Variants in NCALD observed in about 807,000 individuals in gnomAD.
NCALD encodes the protein neurocalcin delta, also known as neurocalcin-delta.
In NCALD, 10 loss-of-function variants were observed where a neutral mutation model predicts 18.6. The ratio of observed to expected loss-of-function variants is 0.54; its 90% CI spans 0.33 to 0.91. The LOEUF is 0.91. Among genes scored for constraint, NCALD ranks in the 40% least tolerant of loss-of-function variants. The probability of loss-of-function intolerance (pLI) is 0.03; values close to 1 mark genes in which losing one functional copy is unlikely to be tolerated. For missense variants in NCALD, 184 were observed against 247.6 expected (o/e 0.74, Z 1.72); for synonymous variants, 88 against 87.4 (o/e 1.01, Z -0.04).
intron 2 of NCALD, among the ~76,000 whole-genome samples, chr8:101,927,899 C>T (rs1158189460): frequency 6.6e-6 from 1 of 152,046 alleles, no homozygotes; most frequent in Admixed American, 6.6e-5. Flanking sequence ...ACCTGTTCTC[C>T]TATTACTCTC....
intron 4 of NCALD, among the ~76,000 whole-genome samples, chr8:101,851,944 T>C (rs183106346): frequency 8.1e-4 from 124 of 152,256 alleles, no homozygotes; most frequent in Admixed American, 1.9e-3. Context: ...ATGGGATTAT[T>C]GCCCTTATAA....
At chr8:101,871,265 T>C (rs1816006387) in intron 4 of NCALD, among the ~76,000 whole-genome samples, 2 of 152,224 alleles carry the variant, frequency 1.3e-5, no homozygotes, top group South Asian at 4.1e-4. Context: ...TTGGAGAGGA[T>C]GGTAATGATA....
intron 4 of NCALD, among the ~76,000 whole-genome samples, chr8:101,881,236 G>C (rs1160782754): frequency 1.3e-5 from 2 of 152,108 alleles, no homozygotes; most frequent in Admixed American, 6.6e-5. Flanking sequence ...ACATGTCTAA[G>C]TACATTTTTG....
chr8:101,868,704 G>C (rs1373043119), intron 4 of NCALD, among the ~76,000 whole-genome samples: 1 of 152,172 alleles, frequency 6.6e-6, no homozygotes, highest in African/African-American at 2.4e-5. Flanking sequence ...CAACCAGACT[G>C]ATCACAGGCC....
chr8:102,103,578 A>T (rs1825356313), intron 1 of NCALD, among the ~76,000 whole-genome samples: 3 of 151,808 alleles, frequency 2.0e-5, no homozygotes, highest in Admixed American at 2.0e-4. Context: ...TTTTTGAGAC[A>T]TGGTCTTACT....
At chr8:101,845,797 T>C (rs1231502640) in intron 4 of NCALD, among the ~76,000 whole-genome samples, 1 of 152,180 alleles carries the variant, frequency 6.6e-6, no homozygotes, top group Non-Finnish European at 1.5e-5. Context: ...CTGCATTTTG[T>C]ACCCATTAAC....
At chr8:101,908,474 AT>A (rs1387865454) in intron 3 of NCALD, among the ~76,000 whole-genome samples, 60 of 152,212 alleles carry the variant, frequency 3.9e-4, no homozygotes, top group Non-Finnish European at 1.8e-4. Context: ...AAACCACAAT[AT>A]TTCCATCTTT....
chr8:101,945,151 T>C (rs1378203412), intron 2 of NCALD, among the ~76,000 whole-genome samples: 2 of 152,228 alleles, frequency 1.3e-5, no homozygotes, highest in Admixed American at 1.3e-4. Context: ...CAGTAATGTA[T>C]GCAAAAAGCC....
intron 2 of NCALD, among the ~76,000 whole-genome samples, chr8:102,013,215 T>C (rs1821965911): frequency 1.3e-5 from 2 of 152,196 alleles, no homozygotes; most frequent in Non-Finnish European, 2.9e-5. Context: ...CACATGGTGG[T>C]CTAGGTACCT....
At chr8:101,902,272 GTT>G (rs71268535) in intron 3 of NCALD, among the ~76,000 whole-genome samples, 4,899 of 112,040 alleles carry the variant, frequency 0.044, 107 homozygotes, top group South Asian at 0.091. Context: ...CATCCACTGA[GTT>G]TTTTTTTTTT....
intron 1 of NCALD, among the ~76,000 whole-genome samples, chr8:101,774,325 G>A (rs771950983): frequency 1.4e-4 from 21 of 152,210 alleles, no homozygotes; most frequent in East Asian, 3.9e-4. Flanking sequence ...TAAAGAAGGC[G>A]GAGACCTACT....
At chr8:101,973,337 T>A (rs1209540571) in intron 2 of NCALD, among the ~76,000 whole-genome samples, 1 of 152,104 alleles carries the variant, frequency 6.6e-6, no homozygotes, top group Non-Finnish European at 1.5e-5. Flanking sequence ...TTTTGGAAAG[T>A]CCTGCTAAGG....
intron 1 of NCALD, chr8:101,788,583 AACG>A (rs1586508304): frequency 4.6e-5 from 7 of 152,206 alleles, no homozygotes; most frequent in Admixed American, 4.6e-4. Context: ...AAATTTAGTT[AACG>A]TTTTTCAATG....
In NCALD at chr8:101,812,145, T is replaced by C. The variant is rs970483768; in HGVS notation, c.-20+74996A>G. The stretch of plus-strand genomic sequence containing the variant: ...ACAACATCGGTTTTCTAAGTAGTTA[T>C]CAACCAAAGAACCAAATGCAAGTTC... On this transcript the variant is annotated intron_variant, in intron 4 of 6. Transcript: ENST00000311028. Among the ~76,000 whole-genome samples the C allele has an allele frequency of 8.5e-5, 13 of 152,266 alleles. No individual in the cohort carries two copies. The East Asian group carries it at 2.3e-3, about 27-fold the overall frequency.
chr8:101,985,984 CT>C (rs1820792947), intron 2 of NCALD, among the ~76,000 whole-genome samples: 1 of 152,134 alleles, frequency 6.6e-6, no homozygotes, highest in Admixed American at 6.5e-5. Flanking sequence ...ATGATCATTC[CT>C]TTTTGTTTAC....
chr8:101,725,759 C>A (rs1171889455), intron 1 of NCALD, among the ~76,000 whole-genome samples: 1 of 152,230 alleles, frequency 6.6e-6, no homozygotes, highest in African/African-American at 2.4e-5. Flanking sequence ...ACCCCTGTTG[C>A]AAGTCCCACA....
intron 1 of NCALD, among the ~76,000 whole-genome samples, chr8:101,743,916 G>A (rs768756609): frequency 1.3e-5 from 2 of 152,166 alleles, no homozygotes; most frequent in Admixed American, 1.3e-4. Flanking sequence ...GCCAAGGCTC[G>A]GCTGGGAAAT....
At chr8:101,930,458 G>A (rs890210713) in intron 2 of NCALD, among the ~76,000 whole-genome samples, 1 of 151,974 alleles carries the variant, frequency 6.6e-6, no homozygotes, top group African/African-American at 2.4e-5. Flanking sequence ...TTATAAAAAT[G>A]TGGCTATGTG....
At chr8:101,978,052 T>TG (rs1820486291) in intron 2 of NCALD, among the ~76,000 whole-genome samples, 1 of 151,702 alleles carries the variant, frequency 6.6e-6, no homozygotes. Flanking sequence ...GCTTCTTTTT[T>TG]AAGGTAGATG....
Sources: gnomAD v4.1 joint callset for allele counts (sites outside exome capture counted in the v4.1 genomes callset) on GRCh38, gnomAD v4.1.1 for gene constraint, MANE v1.5 for transcripts, NCBI Gene and HGNC (gene_info 2026-07-23, HGNC 2026-07-21) for gene names.